PHLPP1: variants seen among roughly 807,000 people sequenced by gnomAD.
PHLPP1 encodes the protein PH domain and leucine rich repeat protein phosphatase 1, also known as PH domain leucine-rich repeat-containing protein phosphatase 1.
A neutral mutation model predicts 117.2 loss-of-function variants in PHLPP1; 42 were observed. That is an observed-to-expected ratio of 0.36 (90% CI 0.28 to 0.46). The LOEUF is 0.46. Among genes scored for constraint, PHLPP1 ranks in the 20% least tolerant of loss-of-function variants. The probability of loss-of-function intolerance (pLI) is 1.00; values close to 1 mark genes in which losing one functional copy is unlikely to be tolerated. For missense variants in PHLPP1, 2,084 were observed against 2,241.9 expected (o/e 0.93, Z 1.42); for synonymous variants, 1,042 against 970.7 (o/e 1.07, Z -1.37).
At chr18:62,913,585 G>A (rs1206694637) in intron 8 of PHLPP1, among the ~76,000 whole-genome samples, 2 of 152,094 alleles carry the variant, frequency 1.3e-5, no homozygotes, top group Non-Finnish European at 2.9e-5. Context: ...CGTACTGTTT[G>A]AAATTCTTTG....
intron 10 of PHLPP1, among the ~76,000 whole-genome samples, chr18:62,922,675 T>C (rs1163813050): frequency 1.3e-5 from 2 of 152,216 alleles, no homozygotes; most frequent in East Asian, 3.8e-4. Flanking sequence ...CATTTCTGAA[T>C]CTGGCCAATT....
chr18:62,781,339 A>T (rs2144278702), intron 1 of PHLPP1, among the ~76,000 whole-genome samples: 1 of 152,282 alleles, frequency 6.6e-6, no homozygotes, highest in East Asian at 1.9e-4. Flanking sequence ...GTCTTGCCTT[A>T]ATGTGGGTTG....
chr18:62,741,778 C>T (rs942835727), intron 1 of PHLPP1, among the ~76,000 whole-genome samples: 9 of 150,602 alleles, frequency 6.0e-5, no homozygotes, highest in African/African-American at 2.2e-4. Context: ...TTACAGGGTA[C>T]GTGAAAGAGC....
chr18:62,816,064 A>T (rs529590411), intron 1 of PHLPP1, among the ~76,000 whole-genome samples: 7 of 152,306 alleles, frequency 4.6e-5, no homozygotes, highest in Admixed American at 4.6e-4. Context: ...CTTTTGTTGA[A>T]TGTTGAGGAG....
chr18:62,880,507 TTTTTG>T lies in PHLPP1; in HGVS notation c.2067-14491_2067-14487del, dbSNP rs151019733. Among the ~76,000 whole-genome samples the T allele has an allele frequency of 7.2e-5, 11 of 152,250 alleles. No individual in the cohort carries two copies. In the South Asian group the frequency reaches 1.9e-3, roughly 26 times the overall value. On this transcript the variant is annotated intron_variant, in intron 4 of 16. Transcript: ENST00000262719. Reference sequence around the variant, plus strand: ...CCATTTTCTGCCTTTTTAAGGAATTTTTTTGTTTTGTTTTGTTATTGTAATATTTT... The same window carrying T: ...CCATTTTCTGCCTTTTTAAGGAATTTTTTTGTTTTGTTATTGTAATATTTT...
chr18:62,785,948 G>A (rs1317554547), intron 1 of PHLPP1, among the ~76,000 whole-genome samples: 3 of 152,112 alleles, frequency 2.0e-5, no homozygotes, highest in African/African-American at 7.2e-5. Context: ...ATACACATAG[G>A]GAGATGACTA....
chr18:62,878,892 A>G (rs939116268), intron 4 of PHLPP1, among the ~76,000 whole-genome samples: 8 of 152,156 alleles, frequency 5.3e-5, no homozygotes, highest in African/African-American at 1.7e-4. Flanking sequence ...AAAGTTTTTC[A>G]TAGGCAAATA....
Position 62,749,782 on chromosome 18 carries a change from G to A in PHLPP1, c.1576+32523G>A, listed in dbSNP as rs187421233. ...GCCTGTAATCCCTCTTTGGGAAGCC[G>A]AAGCGGGTGGGTCACTTGAGGTCAG... On this transcript the variant is annotated intron_variant, in intron 1 of 16. Transcript: ENST00000262719. Among the ~76,000 whole-genome samples the A allele has an allele frequency of 1.7e-3, 259 of 152,300 alleles. 2 individuals are homozygous for A. Among genetic ancestry groups the A allele is most frequent in the Admixed American group, 4.0e-3 (61 of 15,300 alleles).
At chr18:62,892,082 C>CTTTTT (rs200141250) in intron 4 of PHLPP1, among the ~76,000 whole-genome samples, 16 of 107,950 alleles carry the variant, frequency 1.5e-4, no homozygotes, top group South Asian at 3.3e-4. Context: ...TTCTTTCTTT[C>CTTTTT]TTTTTTTTTT....
At chr18:62,899,732 C>T (rs989282856) in intron 6 of PHLPP1, among the ~76,000 whole-genome samples, 1 of 152,172 alleles carries the variant, frequency 6.6e-6, no homozygotes, top group African/African-American at 2.4e-5. Flanking sequence ...TGCAGCGGTA[C>T]AAGCGCAGGT....
At chr18:62,736,229 A>G (rs1260301681) in intron 1 of PHLPP1, among the ~76,000 whole-genome samples, 1 of 152,130 alleles carries the variant, frequency 6.6e-6, no homozygotes, top group Non-Finnish European at 1.5e-5. Flanking sequence ...CTCTCCTGGG[A>G]GCTTGTTAGA....
At chr18:62,785,203 T>C (rs1432492591) in intron 1 of PHLPP1, among the ~76,000 whole-genome samples, 4 of 152,230 alleles carry the variant, frequency 2.6e-5, no homozygotes, top group African/African-American at 9.6e-5. Flanking sequence ...TATAGTGCCG[T>C]GGCTGCCAAC....
At chr18:62,963,603 C>T in intron 14 of PHLPP1, 131 bp downstream of exon 14, 3 of 626,084 alleles carry the variant, frequency 4.8e-6, no homozygotes, top group South Asian at 2.0e-5. Flanking sequence ...TGCAAGTTTC[C>T]CCAGAGTGAG....
intron 1 of PHLPP1, among the ~76,000 whole-genome samples, chr18:62,725,233 G>A (rs974634692): frequency 4.6e-5 from 7 of 151,634 alleles, no homozygotes; most frequent in Admixed American, 6.6e-5. Context: ...AGTGGCGCAC[G>A]CCTGTAATTC....
chr18:62,900,716 G>C (rs1235087000), intron 6 of PHLPP1, among the ~76,000 whole-genome samples: 1 of 151,814 alleles, frequency 6.6e-6, no homozygotes, highest in Non-Finnish European at 1.5e-5. Flanking sequence ...CTCCCAAAGT[G>C]GTAGGATTAC....
intron 3 of PHLPP1, among the ~76,000 whole-genome samples, chr18:62,850,343 G>C (rs1915311566): frequency 7.4e-6 from 1 of 135,580 alleles, no homozygotes; most frequent in African/African-American, 2.7e-5. Flanking sequence ...AGCTGAGATT[G>C]AGCTACTGCA....
intron 4 of PHLPP1, among the ~76,000 whole-genome samples, chr18:62,861,495 C>T (rs1915632719): frequency 6.6e-6 from 1 of 152,230 alleles, no homozygotes; most frequent in African/African-American, 2.4e-5. Context: ...TTCCTTTCCT[C>T]TTTGGAGCAG....
At chr18:62,787,155 T>C (rs1317618176) in intron 1 of PHLPP1, among the ~76,000 whole-genome samples, 1 of 152,078 alleles carries the variant, frequency 6.6e-6, no homozygotes, top group South Asian at 2.1e-4. Context: ...GATGCCTTTT[T>C]TTTCTCTCTT....
chr18:62,882,241 G>T (rs1360459296), intron 4 of PHLPP1, among the ~76,000 whole-genome samples: 1 of 151,854 alleles, frequency 6.6e-6, no homozygotes, highest in Non-Finnish European at 1.5e-5. Flanking sequence ...CTTACTGGGG[G>T]TCTGTGTCTC....
Sources: allele counts gnomAD v4.1 joint callset (sites outside exome capture counted in the v4.1 genomes callset), GRCh38; gene constraint gnomAD v4.1.1; transcripts MANE v1.5; gene names NCBI Gene and HGNC (gene_info 2026-07-23, HGNC 2026-07-21).